ZFPM2: variants seen among roughly 807,000 people sequenced by gnomAD.
The protein encoded by ZFPM2 is zinc finger protein ZFPM2.
In ZFPM2, 20 loss-of-function variants were observed where a neutral mutation model predicts 98.6. That is an observed-to-expected ratio of 0.20 (90% CI 0.14 to 0.29). The LOEUF is 0.29. Among genes scored for constraint, ZFPM2 ranks in the 10% least tolerant of loss-of-function variants. The pLI is 1.00. For synonymous variants in ZFPM2, 518 were observed against 502.7 expected (o/e 1.03, Z -0.41); for missense variants, 1,310 against 1,388.6 (o/e 0.94, Z 0.90).
intron 4 of ZFPM2, among the ~76,000 whole-genome samples, chr8:105,626,130 A>G (rs1184232453): frequency 1.3e-5 from 2 of 152,146 alleles, no homozygotes; most frequent in South Asian, 2.1e-4. Flanking sequence ...AAAAAGCACT[A>G]TTTTGTTGGG....
intron 1 of ZFPM2, among the ~76,000 whole-genome samples, chr8:105,371,445 A>C (rs1423955978): frequency 1.3e-5 from 2 of 152,208 alleles, no homozygotes; most frequent in African/African-American, 4.8e-5. Context: ...ATCCAAGAAC[A>C]GAAGGGATTT....
intron 2 of ZFPM2, among the ~76,000 whole-genome samples, chr8:105,438,816 G>A (rs1812176685): frequency 1.3e-5 from 2 of 152,104 alleles, no homozygotes; most frequent in South Asian, 4.1e-4. Flanking sequence ...TCAACATGAA[G>A]GTAGAACTCC....
chr8:105,722,922 G>A (rs1210965952), intron 5 of ZFPM2, among the ~76,000 whole-genome samples: 1 of 151,846 alleles, frequency 6.6e-6, no homozygotes, highest in African/African-American at 2.4e-5. Context: ...TTCAGTGCCA[G>A]TATCATATGA....
At chr8:105,724,068 T>G (rs1479717495) in intron 5 of ZFPM2, among the ~76,000 whole-genome samples, 1 of 151,794 alleles carries the variant, frequency 6.6e-6, no homozygotes, top group African/African-American at 2.4e-5. Context: ...TTCTTCACCT[T>G]CTCTTTGCTT....
chr8:105,683,687 A>G (rs931184531), intron 5 of ZFPM2, among the ~76,000 whole-genome samples: 2 of 152,062 alleles, frequency 1.3e-5, no homozygotes, highest in African/African-American at 4.8e-5. Flanking sequence ...TTTATTCTTC[A>G]TCATCATCTC....
At chr8:105,779,660 C>T (rs1813197542) in intron 5 of ZFPM2, among the ~76,000 whole-genome samples, 1 of 152,132 alleles carries the variant, frequency 6.6e-6, no homozygotes, top group South Asian at 2.1e-4. Flanking sequence ...CTGAATTGCT[C>T]CTGGTTGACA....
rs750027090 is a variant in ZFPM2 at position 105,444,340 on chromosome 8, C to T, written c.260C>T (p.Pro87Leu). 12 of 1,612,200 alleles carry T rather than the reference C, an allele frequency of 7.4e-6. No homozygotes were observed. The highest frequency in any genetic ancestry group is 2.2e-5 in the East Asian group (1 of 44,836). ...ESDGDTQSEK[P>L]GQPGVETDDW... ...GATGGGGACACACAGTCAGAGAAAC[C>T]GGGGCAACCTGGAGTTGAGACAGAC... is the stretch of plus-strand genomic sequence containing the variant. Residue 87 changes from proline to leucine, a missense_variant, in exon 3 of 8, where the codon CCG becomes CTG. Coordinates refer to ENST00000407775, the MANE Select transcript of ZFPM2 (RefSeq NM_012082.4).
chr8:105,722,717 A>C (rs1330960527), intron 5 of ZFPM2, among the ~76,000 whole-genome samples: 1 of 151,768 alleles, frequency 6.6e-6, no homozygotes, highest in Non-Finnish European at 1.5e-5. Flanking sequence ...AGAAGGAGGA[A>C]GATGAGGGGG....
intron 4 of ZFPM2, among the ~76,000 whole-genome samples, chr8:105,610,516 A>G (rs144426265): frequency 2.2e-4 from 34 of 152,280 alleles, no homozygotes; most frequent in African/African-American, 7.5e-4. Context: ...AAACTAGCAT[A>G]TAATAACTAG....
intron 1 of ZFPM2, among the ~76,000 whole-genome samples, chr8:105,375,545 A>G (rs1373946843): frequency 6.6e-6 from 1 of 152,126 alleles, no homozygotes; most frequent in Non-Finnish European, 1.5e-5. Context: ...CAGTGTTCCA[A>G]CTGCTGGTAA....
At chr8:105,440,532 G>A (rs1025139212) in intron 2 of ZFPM2, among the ~76,000 whole-genome samples, 16 of 152,076 alleles carry the variant, frequency 1.1e-4, no homozygotes, top group Non-Finnish European at 2.4e-4. Flanking sequence ...CTGATGATGT[G>A]GTCACTGGGT....
At chr8:105,707,597 T>C (rs1219886334) in intron 5 of ZFPM2, among the ~76,000 whole-genome samples, 2 of 152,198 alleles carry the variant, frequency 1.3e-5, no homozygotes, top group African/African-American at 4.8e-5. Flanking sequence ...CTTGTACTGT[T>C]GCTATCTGTT....
In ZFPM2 at chr8:105,801,598, G is replaced by T; in HGVS notation, c.1516G>T (p.Asp506Tyr). 2 of 1,613,726 alleles carry T rather than the reference G, an allele frequency of 1.2e-6. No individual in the cohort carries two copies. Among genetic ancestry groups the T allele is most frequent in the South Asian group, 1.1e-5 (1 of 91,076 alleles). Residue 506 changes from aspartate to tyrosine, a missense_variant, in exon 8 of 8, where the codon GAT becomes TAT. Physicochemically the swap from Asp to Tyr is radical, Grantham distance 160. Transcript: ENST00000407775. ...PFLSQFSFPQ[D>Y]ITMVPQASEI... ...CCTATCTCAGTTTTCTTTCCCCCAA[G>T]ATATCACCATGGTCCCTCAAGCTTC...
intron 3 of ZFPM2, among the ~76,000 whole-genome samples, chr8:105,533,764 C>G (rs1814350435): frequency 1.1e-5 from 1 of 91,518 alleles, no homozygotes; most frequent in Non-Finnish European, 2.2e-5. Flanking sequence ...CTACCTCCTT[C>G]CCTCCCTTCT....
intron 5 of ZFPM2, among the ~76,000 whole-genome samples, chr8:105,682,362 A>G (rs1189209102): frequency 6.6e-6 from 1 of 152,190 alleles, no homozygotes; most frequent in East Asian, 1.9e-4. Flanking sequence ...AAACAGTTCC[A>G]GGTGGAGGGA....
chr8:105,542,586 G>T (rs1297979921), intron 3 of ZFPM2, among the ~76,000 whole-genome samples: 2 of 152,114 alleles, frequency 1.3e-5, no homozygotes, highest in East Asian at 3.9e-4. Context: ...AAAATACAGC[G>T]TTCATGGGCT....
rs139996050 is a variant in ZFPM2, at chr8:105,710,008, A to G, written c.532+75651A>G. Reference sequence around the variant, plus strand: ...GTCTGCTTAATTCTTGGTAAGTCACATACTTTTTAAAGTCAGCTTTAACAG... The same window carrying G: ...GTCTGCTTAATTCTTGGTAAGTCACGTACTTTTTAAAGTCAGCTTTAACAG... On this transcript the variant is annotated intron_variant, in intron 5 of 7. Coordinates refer to ENST00000407775, the MANE Select transcript of ZFPM2 (RefSeq NM_012082.4). Among the ~76,000 whole-genome samples, 467 of 151,984 alleles carry G rather than the reference A, an allele frequency of 3.1e-3. 1 individual carries two copies. The highest frequency in any genetic ancestry group is 0.011 in the African/African-American group (444 of 41,474).
chr8:105,353,264 T>G (rs1812682515), intron 1 of ZFPM2, among the ~76,000 whole-genome samples: 1 of 152,178 alleles, frequency 6.6e-6, no homozygotes, highest in African/African-American at 2.4e-5. Flanking sequence ...TGGGTCTCCC[T>G]GGCACTCAAT....
rs1812061697 is a variant in ZFPM2, at chr8:105,433,590, A to G, written c.200-10690A>G. ...ATCACAAGGTCAGGAGATCGAGACC[A>G]TCCTGGCTAACACAGTGAAACCCAA... is the stretch of plus-strand genomic sequence containing the variant. On this transcript the variant is annotated intron_variant, in intron 2 of 7. Coordinates refer to ENST00000407775, the MANE Select transcript of ZFPM2 (RefSeq NM_012082.4). Among the ~76,000 whole-genome samples the G allele has an allele frequency of 3.3e-5, 5 of 152,168 alleles. No individual in the cohort carries two copies. In the South Asian group the frequency reaches 1.0e-3, roughly 32 times the overall value.
Sources: allele counts gnomAD v4.1 joint callset (sites outside exome capture counted in the v4.1 genomes callset), GRCh38; gene constraint gnomAD v4.1.1; transcripts MANE v1.5; gene names NCBI Gene and HGNC (gene_info 2026-07-23, HGNC 2026-07-21).